The following ADGRA3 variants were observed in gnomAD, a reference collection of about 807,000 sequenced individuals.
The protein encoded by ADGRA3 is adhesion G protein-coupled receptor A3.
A neutral mutation model predicts 119.8 loss-of-function variants in ADGRA3; 56 were observed. The ratio of observed to expected loss-of-function variants is 0.47; its 90% CI spans 0.38 to 0.58. ADGRA3 has a LOEUF of 0.58. ADGRA3 is among the 20% of genes least tolerant of loss of function. The pLI, the probability that ADGRA3 is intolerant of heterozygous loss-of-function variation, is 0.00. For missense variants in ADGRA3, 1,516 were observed against 1,649.0 expected, an observed-to-expected ratio of 0.92 and a Z score of 1.40; for synonymous variants, 607 against 623.8, an observed-to-expected ratio of 0.97 and a Z score of 0.40.
chr4:22,499,660 T>C (rs1025756965), intron 1 of ADGRA3, among the ~76,000 whole-genome samples: 1 of 152,180 alleles, frequency 6.6e-6, no homozygotes, highest in Admixed American at 6.5e-5. Flanking sequence ...TGAGATAGGG[T>C]CATTTATTAT....
At chr4:22,462,596 T>C (rs1266839361) in intron 2 of ADGRA3, among the ~76,000 whole-genome samples, 1 of 152,198 alleles carries the variant, frequency 6.6e-6, no homozygotes, top group Non-Finnish European at 1.5e-5. Context: ...ATTACAGGCA[T>C]GAGCCACTGC....
At chr4:22,470,027 T>G (rs74478885) in intron 2 of ADGRA3, among the ~76,000 whole-genome samples, 3,792 of 152,270 alleles carry the variant, frequency 0.025, 51 homozygotes, top group Middle Eastern at 0.065. Flanking sequence ...CCTAGCACAG[T>G]GTGCGCACCT....
intron 4 of ADGRA3, among the ~76,000 whole-genome samples, chr4:22,454,086 C>T (rs1018945781): frequency 1.3e-5 from 2 of 152,142 alleles, no homozygotes; most frequent in Admixed American, 1.3e-4. Flanking sequence ...GTCTCAAACT[C>T]GTGACCTCAA....
intron 2 of ADGRA3, among the ~76,000 whole-genome samples, chr4:22,469,958 G>T (rs1717797544): frequency 6.6e-6 from 1 of 152,092 alleles, no homozygotes; most frequent in African/African-American, 2.4e-5. Context: ...CTTGAGATTT[G>T]CTTACTATGT....
chr4:22,478,517 A>G (rs1305136017), intron 1 of ADGRA3, among the ~76,000 whole-genome samples: 1 of 152,214 alleles, frequency 6.6e-6, no homozygotes, highest in East Asian at 1.9e-4. Context: ...TGGGGCATCA[A>G]CCATTGTAGG....
At chr4:22,390,334 ATATAAAATACATAT>A (rs1371322075) in intron 17 of ADGRA3, among the ~76,000 whole-genome samples, 2,025 of 119,832 alleles carry the variant, frequency 0.017, 19 homozygotes, top group African/African-American at 0.024. Context: ...ATATATATAT[ATATAAAATACATAT>A]TATATATATA....
At chr4:22,470,553 T>G (rs1438476123) in intron 2 of ADGRA3, among the ~76,000 whole-genome samples, 2 of 152,214 alleles carry the variant, frequency 1.3e-5, no homozygotes, top group African/African-American at 4.8e-5. Flanking sequence ...TTTGAAATTC[T>G]GACCTTGGTG....
chr4:22,454,633 T>G (rs936131819), intron 4 of ADGRA3, among the ~76,000 whole-genome samples: 5 of 152,108 alleles, frequency 3.3e-5, no homozygotes, highest in African/African-American at 1.2e-4. Flanking sequence ...CACTGTGTTA[T>G]TTGGTGTGTG....
At chr4:22,413,005 T>C (rs1299257098) in intron 14 of ADGRA3, among the ~76,000 whole-genome samples, 177 bp downstream of exon 14, 1 of 151,856 alleles carries the variant, frequency 6.6e-6, no homozygotes, top group East Asian at 1.9e-4. Context: ...AGTAACTTAA[T>C]TTCCCTTTAA....
At chr4:22,472,792 A>G (rs1425314286) in intron 2 of ADGRA3, among the ~76,000 whole-genome samples, 1 of 152,172 alleles carries the variant, frequency 6.6e-6, no homozygotes, top group African/African-American at 2.4e-5. Flanking sequence ...AAGAGAATTG[A>G]GAAAAATGAG....
intron 4 of ADGRA3, among the ~76,000 whole-genome samples, chr4:22,454,288 T>C (rs1717167143): frequency 6.6e-6 from 1 of 152,160 alleles, no homozygotes; most frequent in Non-Finnish European, 1.5e-5. Flanking sequence ...AAATAATCAT[T>C]ATAACTTTGA....
At chr4:22,410,447 A>G (rs1715146361) in intron 14 of ADGRA3, among the ~76,000 whole-genome samples, 1 of 151,978 alleles carries the variant, frequency 6.6e-6, no homozygotes, top group African/African-American at 2.4e-5. Flanking sequence ...GTATAGCAGG[A>G]TGTATACTCA....
Position 22,405,546 on chromosome 4 carries a change from T to TAA in ADGRA3, c.2233-2749_2233-2748dup, listed in dbSNP as rs371969552. ...GGGCAACAGAGCAAACCCCTATTTC[T>TAA]AAAAAAAAAAAAAAAAATTAAATTA... is the stretch of plus-strand genomic sequence containing the variant. On this transcript the variant is annotated intron_variant, in intron 14 of 18. Transcript: ENST00000334304. Among the ~76,000 whole-genome samples the TAA allele has an allele frequency of 1.1e-3, 140 of 125,454 alleles. 1 individual carries two copies. Among genetic ancestry groups the TAA allele is most frequent in the African/African-American group, 3.7e-3 (126 of 34,374 alleles). The allele number at this position is 125,454 out of a possible 152,430, so 82.3% of individuals were successfully genotyped here.
At position 22,484,804 on chromosome 4, in the gene ADGRA3, GA is replaced by G; in HGVS notation, c.258-10962del. Among the ~76,000 whole-genome samples the G allele has an allele frequency of 2.0e-5, 3 of 152,096 alleles. 1 individual carries two copies. Among genetic ancestry groups the G allele is most frequent in the Non-Finnish European group, 4.4e-5 (3 of 67,992 alleles). On this transcript the variant is annotated intron_variant, in intron 1 of 18. Coordinates refer to ENST00000334304, the MANE Select transcript of ADGRA3 (RefSeq NM_145290.4). ...TAATTAGATCTCTGGCTCCCTCGCT[GA>G]AAAGTTGTTTGGAAATAAGCATCTG...
rs761917636 is a variant in ADGRA3, at chr4:22,388,829, G to A, written c.2842C>T (p.Arg948Cys). ...GTGGGCTCCTTAAGCTCATATTTGC[G>A]CTCAGGGTGTCTTTTCAACTGAATA... is the stretch of plus-strand genomic sequence containing the variant. ...IFIQLKRHPE[R>C]KYELKEPTEE... The change falls in exon 19 of 19, where the codon CGC becomes TGC. Residue 948 changes from arginine to cysteine, a missense_variant. Arg to Cys is a radical substitution (Grantham distance 180). Transcript: ENST00000334304. 2.0e-5 allele frequency: 33 copies of A among 1,613,830 alleles called. No homozygotes were observed. Among genetic ancestry groups the A allele is most frequent in the Admixed American group, 3.3e-5 (2 of 59,980 alleles).
chr4:22,475,169 C>A (rs905215350), intron 1 of ADGRA3, among the ~76,000 whole-genome samples: 1 of 152,064 alleles, frequency 6.6e-6, no homozygotes, highest in Non-Finnish European at 1.5e-5. Context: ...TGACTTTAGG[C>A]GAGTCACACT....
In ADGRA3 at chr4:22,458,909, G is replaced by A. The variant is rs550578489; in HGVS notation, c.401+2828C>T. Among the ~76,000 whole-genome samples, 3 of 152,274 alleles carry A rather than the reference G, an allele frequency of 2.0e-5. No individual in the cohort carries two copies. The East Asian group carries it at 5.8e-4, about 29-fold the overall frequency. On this transcript the variant is annotated intron_variant, in intron 3 of 18. Coordinates refer to ENST00000334304, the MANE Select transcript of ADGRA3 (RefSeq NM_145290.4). ...CTCCAGATGGCCCTGAGTTTCTAATGAGCGCAGACAGACTGATAAACACAG... is the reference window on the plus strand; with the variant it reads ...CTCCAGATGGCCCTGAGTTTCTAATAAGCGCAGACAGACTGATAAACACAG...
intron 1 of ADGRA3, among the ~76,000 whole-genome samples, chr4:22,483,027 A>G (rs1718305233): frequency 6.6e-6 from 1 of 152,120 alleles, no homozygotes. Flanking sequence ...TACCCAGCAG[A>G]CTTCTGGTGG....
At chr4:22,514,920 C>G (rs1222952755) in intron 1 of ADGRA3, among the ~76,000 whole-genome samples, 1 of 152,168 alleles carries the variant, frequency 6.6e-6, no homozygotes, top group Non-Finnish European at 1.5e-5. Context: ...TAAGCCCTCA[C>G]AGACACGAAA....
Sources: allele counts gnomAD v4.1 joint callset (sites outside exome capture counted in the v4.1 genomes callset), GRCh38; gene constraint gnomAD v4.1.1; transcripts MANE v1.5; gene names NCBI Gene and HGNC (gene_info 2026-07-23, HGNC 2026-07-21).